AMPD2: variants seen among roughly 807,000 people sequenced by gnomAD.
AMPD2 encodes the protein adenosine monophosphate deaminase 2.
AMPD2 carries 52 observed loss-of-function variants against 91.3 expected under a neutral mutation model. The observed-to-expected ratio is 0.57, with a 90% CI of 0.46 to 0.72. The LOEUF is 0.72. Ranked by LOEUF, AMPD2 falls within the 30% of genes least tolerant of loss-of-function variation. AMPD2 has a pLI of 0.00. For synonymous variants in AMPD2, 455 were observed against 456.4 expected (o/e 1.00, Z 0.04); for missense variants, 822 against 1,122.3 (o/e 0.73, Z 3.82).
At position 109,626,219 on chromosome 1, in the gene AMPD2, C is replaced by G. The variant is rs752716360; in HGVS notation, c.413C>G (p.Ser138Trp). Residue 138 changes from serine (S) to tryptophan (W), a missense_variant, in exon 5 of 19, where the codon TCG (serine) becomes TGG (tryptophan). By Grantham distance (177) the Ser-to-Trp change is radical (BLOSUM62 -3). Transcript: ENST00000528667. ...GATTTCCTGAAGACGGACAGTGACTCGGACCTACAGTGAGGAGGGCAGAGG... is the reference window on the plus strand; with the variant it reads ...GATTTCCTGAAGACGGACAGTGACTGGGACCTACAGTGAGGAGGGCAGAGG... ...KQDFLKTDSD[S>W]DLQLYKEQGE... The G allele has an allele frequency of 6.2e-7, 1 of 1,614,150 alleles. No homozygotes were observed. The highest frequency in any genetic ancestry group is 1.7e-5 in the Admixed American group (1 of 60,030).
In AMPD2 at chr1:109,628,027, C is replaced by T; in HGVS notation, c.1081-56C>T. On this transcript the variant is annotated intron_variant, in intron 10 of 18. Transcript: ENST00000528667. This position sits in a 1 kb window ranked among gnomAD's most constrained non-coding sequence, Gnocchi z 7.1. ...AGGGTCCTTTCCCATTGCACTGCCCCAGGCCCCAGACCTTCCTGGCCTCTG... is the reference window on the plus strand; with the variant it reads ...AGGGTCCTTTCCCATTGCACTGCCCTAGGCCCCAGACCTTCCTGGCCTCTG... 2 of 1,599,308 alleles carry T rather than the reference C, an allele frequency of 1.3e-6. No homozygotes were observed. Among genetic ancestry groups the T allele is most frequent in the Non-Finnish European group, 1.7e-6 (2 of 1,171,404 alleles).
intron 10 of AMPD2, 81 bp downstream of exon 10, chr1:109,627,984 A>T: frequency 6.2e-7 from 1 of 1,604,384 alleles, no homozygotes. Context: ...CAGGCCCCCC[A>T]CACAGCATCC....
At chr1:109,626,528 C>T in intron 6 of AMPD2, 101 bp downstream of exon 6, 2 of 1,357,638 alleles carry the variant, frequency 1.5e-6, no homozygotes, top group Non-Finnish European at 1.0e-6. Flanking sequence ...GGGCGTTTCT[C>T]TTTCCAGCAG....
rs778964253 is a variant in AMPD2 at position 109,621,233 on chromosome 1, C to A, written c.58C>A (p.Arg20=). The A allele has an allele frequency of 1.2e-6, 2 of 1,612,292 alleles. No individual in the cohort carries two copies. The highest frequency in any genetic ancestry group is 1.7e-6 in the Non-Finnish European group (2 of 1,179,424). The part of the protein sequence containing the change: ...KPKAKYPFKK[R]ASLQASTAAP... ...CAAGGCCAAATATCCCTTTAAGAAGCGGGCCAGCCTGCAGGCCTCCACTGC... is the reference window on the plus strand; with the variant it reads ...CAAGGCCAAATATCCCTTTAAGAAGAGGGCCAGCCTGCAGGCCTCCACTGC... Residue 20 remains arginine (R), a synonymous_variant, in exon 2 of 19, where the codon CGG becomes AGG. Coordinates refer to ENST00000528667, the MANE Select transcript of AMPD2 (RefSeq NM_001368809.2).
rs896001871 is a variant in AMPD2, at chr1:109,624,643, G to A, written c.92-660G>A. ...GCCCTGGGGCCCTGGGGGACAGGGCGGGCCTCCAGGGAGGAGGTAGGGTTC... is the reference window on the plus strand; with the variant it reads ...GCCCTGGGGCCCTGGGGGACAGGGCAGGCCTCCAGGGAGGAGGTAGGGTTC... On this transcript the variant is annotated intron_variant, in intron 2 of 18. Coordinates refer to ENST00000528667, the MANE Select transcript of AMPD2 (RefSeq NM_001368809.2). The surrounding 1 kb of genome is among the most constrained non-coding windows in gnomAD (Gnocchi z 5.2). Among the ~76,000 whole-genome samples the A allele has an allele frequency of 2.6e-5, 4 of 152,158 alleles. No individual in the cohort carries two copies. Among genetic ancestry groups the A allele is most frequent in the Non-Finnish European group, 5.9e-5 (4 of 67,992 alleles).
rs1650705259 is a variant in AMPD2 at position 109,626,559 on chromosome 1, A to T, written c.531+132A>T. The T allele has an allele frequency of 3.1e-6, 4 of 1,296,532 alleles. No individual in the cohort carries two copies. In the South Asian group the frequency reaches 4.3e-5, roughly 14 times the overall value. 80.3% of individuals were successfully genotyped at this position (1,296,532 alleles called of 1,614,324 possible). A position where few individuals can be genotyped will look rare whatever the true frequency, so the allele number is the denominator to read the frequency against. On this transcript the variant is annotated intron_variant, in intron 6 of 18. Coordinates refer to ENST00000528667, the MANE Select transcript of AMPD2 (RefSeq NM_001368809.2). ...AGCAGCTGGAGGGGCGGAGGGGCAGAGGGGCTGCCTAGGAGCCACTTGATG... is the reference window on the plus strand; with the variant it reads ...AGCAGCTGGAGGGGCGGAGGGGCAGTGGGGCTGCCTAGGAGCCACTTGATG...
intron 6 of AMPD2, 132 bp downstream of exon 6, chr1:109,626,559 A>C: frequency 7.7e-7 from 1 of 1,296,532 alleles, no homozygotes; most frequent in Admixed American, 2.5e-5. Context: ...GGAGGGGCAG[A>C]GGGGCTGCCT....
Position 109,628,180 on chromosome 1 carries a change from A to C in AMPD2, c.1178A>C (p.His393Pro), listed in dbSNP as rs1164962869. ...AAGCGGCACCTGGAGGAGATCGTGC[A>C]CGTGGAGCAGGGCCGTGAACAGACG... Reference protein sequence around the residue: ...AMKRHLEEIVHVEQGREQTLR... With the variant: ...AMKRHLEEIVPVEQGREQTLR... The change falls in exon 11 of 19, where the codon CAC becomes CCC. Residue 393 changes from histidine (H) to proline (P), a missense_variant. His to Pro is a moderately conservative substitution (Grantham distance 77). Around this residue, in one of 5 missense-constraint regions of AMPD2, gnomAD observed 430 missense variants for 606.0 expected, o/e 0.71. Coordinates refer to ENST00000528667, the MANE Select transcript of AMPD2 (RefSeq NM_001368809.2). This position sits in a 1 kb window ranked among gnomAD's most constrained non-coding sequence, Gnocchi z 7.1. 2 of 1,614,122 alleles carry C rather than the reference A, an allele frequency of 1.2e-6. No individual in the cohort carries two copies.
Position 109,619,904 on chromosome 1 carries a change from C to T in AMPD2, c.-637C>T, listed in dbSNP as rs1650105624. On this transcript the variant is annotated 5_prime_UTR_variant, in exon 1 of 19. Coordinates refer to ENST00000528667, the MANE Select transcript of AMPD2 (RefSeq NM_001368809.2). The stretch of plus-strand genomic sequence containing the variant: ...GGGTCTCACCTGTTGCGTGACTCCC[C>T]CACAGTCCGGCCGCGGGAGTCCGAC... 1 of 338,246 alleles carries T rather than the reference C, an allele frequency of 3.0e-6. No homozygotes were observed. Among genetic ancestry groups the T allele is most frequent in the African/African-American group, 2.2e-5 (1 of 45,154 alleles). 21.0% of individuals were successfully genotyped at this position (338,246 alleles called of 1,614,324 possible). A position where few individuals can be genotyped will look rare whatever the true frequency, so the allele number is the denominator to read the frequency against.
chr1:109,622,981 T>C (rs1329761877), intron 2 of AMPD2, among the ~76,000 whole-genome samples: 1 of 152,142 alleles, frequency 6.6e-6, no homozygotes, highest in Non-Finnish European at 1.5e-5. Context: ...ACTTTGTCCT[T>C]TTCCAAGTAA....
In AMPD2 at chr1:109,620,737, G is replaced by T. The variant is rs548767021; in HGVS notation, c.-262-177G>T. 6.0e-5 allele frequency: 75 copies of T among 1,251,720 alleles called. No individual in the cohort carries two copies. In the African/African-American group the frequency reaches 1.1e-3, roughly 19 times the overall value. 77.5% of individuals were successfully genotyped at this position (1,251,720 alleles called of 1,614,324 possible). A position where few individuals can be genotyped will look rare whatever the true frequency, so the allele number is the denominator to read the frequency against. On this transcript the variant is annotated intron_variant, in intron 1 of 18. Coordinates refer to ENST00000528667, the MANE Select transcript of AMPD2 (RefSeq NM_001368809.2). ...TGGACTCGCTCGCTGCTGAATTCCT[G>T]TTTGTTATTCTTTTTTCTTCCAGGC...
intron 15 of AMPD2, 42 bp from the exon 16 acceptor site, chr1:109,629,754 G>T: frequency 6.4e-7 from 1 of 1,551,974 alleles, no homozygotes; most frequent in Non-Finnish European, 8.7e-7. Context: ...GAGCCCAGGT[G>T]ATCCCAGGCT....
In AMPD2 at chr1:109,630,726, A is replaced by T. The variant is rs1319373869; in HGVS notation, c.2201A>T (p.Lys734Met). The T allele has an allele frequency of 6.2e-7, 1 of 1,612,312 alleles. No homozygotes were observed. Among genetic ancestry groups the T allele is most frequent in the African/African-American group, 1.3e-5 (1 of 74,866 alleles). ...TACAGCATCGCCACCCAGGTGTGGA[A>T]GCTCAGCTCCTGCGATATGTGTGAG... The part of the protein sequence containing the change: ...EEYSIATQVW[K>M]LSSCDMCELA... The change falls in exon 18 of 19, where the codon AAG becomes ATG. Residue 734 changes from lysine to methionine, a missense_variant. Coordinates refer to ENST00000528667, the MANE Select transcript of AMPD2 (RefSeq NM_001368809.2).
intron 1 of AMPD2, 148 bp from the exon 2 acceptor site, chr1:109,620,766 C>T: frequency 7.8e-7 from 1 of 1,282,534 alleles, no homozygotes; most frequent in Non-Finnish European, 9.9e-7. Context: ...TCCAGGCTAG[C>T]TGGAAGGACC....
intron 6 of AMPD2, 39 bp from the exon 7 acceptor site, chr1:109,626,687 C>A: frequency 6.3e-7 from 1 of 1,591,758 alleles, no homozygotes; most frequent in South Asian, 1.1e-5. Context: ...GTCTCTGAGT[C>A]CAAGACTGAG....
chr1:109,626,374 G>A lies in AMPD2; in HGVS notation c.478G>A (p.Val160Met), dbSNP rs1199450339. 6.2e-7 allele frequency: 1 copy of A among 1,612,382 alleles called. No homozygotes were observed. The highest frequency in any genetic ancestry group is 8.5e-7 in the Non-Finnish European group (1 of 1,179,348). ...QGDRSLRERD[V>M]LEREFQRVTI... ...TGACCGGAGCCTGCGGGAGCGTGAT[G>A]TGCTGGAACGGGAGTTTCAGCGGGT... Residue 160 changes from valine to methionine, a missense_variant, in exon 6 of 19, where the codon GTG becomes ATG. By Grantham distance (21) the Val-to-Met change is conservative. Around this residue, in one of 5 missense-constraint regions of AMPD2, gnomAD observed 240 missense variants for 270.3 expected, o/e 0.89. Coordinates refer to ENST00000528667, the MANE Select transcript of AMPD2 (RefSeq NM_001368809.2).
chr1:109,628,134 C>T lies in AMPD2; in HGVS notation c.1132C>T (p.Arg378Cys). ...SSCMNQKHLLRFIKRAMKRHL... is the reference protein window; with the variant it reads ...SSCMNQKHLLCFIKRAMKRHL... ...CTGCATGAACCAGAAGCATCTGCTG[C>T]GCTTCATCAAGCGGGCAATGAAGCG... Residue 378 changes from arginine (R) to cysteine (C), a missense_variant, in exon 11 of 19, where the codon CGC becomes TGC. By Grantham distance (180) the Arg-to-Cys change is radical (BLOSUM62 -3). Around this residue, in one of 5 missense-constraint regions of AMPD2, gnomAD observed 37 missense variants for 84.8 expected, o/e 0.44. Transcript: ENST00000528667. The surrounding 1 kb of genome is among the most constrained non-coding windows in gnomAD (Gnocchi z 7.1). 2 of 1,614,048 alleles carry T rather than the reference C, an allele frequency of 1.2e-6. No homozygotes were observed. The highest frequency in any genetic ancestry group is 8.5e-7 in the Non-Finnish European group (1 of 1,180,034).
At position 109,625,888 on chromosome 1, in the gene AMPD2, G is replaced by A; in HGVS notation, c.353+96G>A. On this transcript the variant is annotated intron_variant, in intron 4 of 18. Coordinates refer to ENST00000528667, the MANE Select transcript of AMPD2 (RefSeq NM_001368809.2). The surrounding 1 kb of genome is among the most constrained non-coding windows in gnomAD (Gnocchi z 4.0). ...CTCTTTCCCTCGCACCCTGCCTTGG[G>A]GGGTCTGCACAGGGAGCATAGAGTG... is the stretch of plus-strand genomic sequence containing the variant. 3 of 1,544,046 alleles carry A rather than the reference G, an allele frequency of 1.9e-6. No homozygotes were observed. The highest frequency in any genetic ancestry group is 1.9e-5 in the Admixed American group (1 of 54,000).
chr1:109,625,400 G>GTCTA lies in AMPD2; in HGVS notation c.191_194dup (p.Met65IlefsTer20). ...AGCACTTCCCGCTCGACCTGCGCAC[G>GTCTA]TCTATGGATGGCAAATGCAAGGAGA... On this transcript the variant is annotated frameshift_variant, in exon 3 of 19. Coordinates refer to ENST00000528667, the MANE Select transcript of AMPD2 (RefSeq NM_001368809.2). LOFTEE classifies it high-confidence loss of function. This position sits in a 1 kb window ranked among gnomAD's most constrained non-coding sequence, Gnocchi z 4.0. 6.2e-7 allele frequency: 1 copy of GTCTA among 1,613,970 alleles called. No homozygotes were observed. Among genetic ancestry groups the GTCTA allele is most frequent in the Non-Finnish European group, 8.5e-7 (1 of 1,179,994 alleles).
Sources: gnomAD v4.1 joint callset for allele counts (sites outside exome capture counted in the v4.1 genomes callset) on GRCh38, gnomAD v4.1.1 for gene constraint, gnomAD v4.1.1 regional missense constraint, Gnocchi (gnomAD v3.1) non-coding constraint, MANE v1.5 for transcripts, NCBI Gene and HGNC (gene_info 2026-07-23, HGNC 2026-07-21) for gene names.